CCDC60: variants seen among roughly 807,000 people sequenced by gnomAD.
CCDC60 encodes the protein coiled-coil domain containing 60.
CCDC60 carries 54 observed loss-of-function variants against 63.5 expected under a neutral mutation model. The ratio of observed to expected loss-of-function variants is 0.85; its 90% CI spans 0.68 to 1.07. The LOEUF (loss-of-function observed/expected upper bound fraction) is 1.07, where lower values mean the gene tolerates loss of function less well. Ranked by LOEUF, CCDC60 falls within the 50% of genes least tolerant of loss-of-function variation. The pLI is 0.00. For missense variants in CCDC60, 651 were observed against 684.3 expected, an observed-to-expected ratio of 0.95 and a Z score of 0.54; for synonymous variants, 206 against 238.8, an observed-to-expected ratio of 0.86 and a Z score of 1.27.
In CCDC60 at chr12:119,391,306, T is replaced by C. The variant is rs187207850; in HGVS notation, c.91-37377T>C. Among the ~76,000 whole-genome samples, 413 of 152,356 alleles carry C rather than the reference T, an allele frequency of 2.7e-3. 7 individuals carry two copies. The highest frequency in any genetic ancestry group is 1.5e-3 in the Non-Finnish European group (102 of 68,030). ...CTTTTCTTAAAATGCCATCCACGTCTGGGTGCTTTCAGGACTTATAGAGGA... is the reference window on the plus strand; with the variant it reads ...CTTTTCTTAAAATGCCATCCACGTCCGGGTGCTTTCAGGACTTATAGAGGA... On this transcript the variant is annotated intron_variant, in intron 1 of 13. Coordinates refer to ENST00000327554, the MANE Select transcript of CCDC60 (RefSeq NM_178499.5).
intron 1 of CCDC60, among the ~76,000 whole-genome samples, chr12:119,409,534 T>C (rs1956555433): frequency 6.6e-6 from 1 of 152,118 alleles, no homozygotes; most frequent in African/African-American, 2.4e-5. Flanking sequence ...ATGAATGACA[T>C]CTTTATTGTC....
chr12:119,524,227 G>C (rs78815721), intron 11 of CCDC60, among the ~76,000 whole-genome samples: 1 of 152,054 alleles, frequency 6.6e-6, no homozygotes, highest in Non-Finnish European at 1.5e-5. Context: ...AGTCCAGAAG[G>C]GACATGGAGA....
chr12:119,453,135 G>T (rs1455853729), intron 2 of CCDC60, among the ~76,000 whole-genome samples: 1 of 152,074 alleles, frequency 6.6e-6, no homozygotes, highest in African/African-American at 2.4e-5. Flanking sequence ...CCAGAACTTG[G>T]CTTTTTAACT....
intron 8 of CCDC60, among the ~76,000 whole-genome samples, chr12:119,517,773 C>A (rs1400551021): frequency 1.3e-5 from 2 of 152,110 alleles, no homozygotes; most frequent in Non-Finnish European, 2.9e-5. Context: ...AAGCCAGCAA[C>A]CGATATGATT....
At chr12:119,343,355 T>C (rs1426904736) in intron 1 of CCDC60, among the ~76,000 whole-genome samples, 1 of 152,144 alleles carries the variant, frequency 6.6e-6, no homozygotes, top group African/African-American at 2.4e-5. Flanking sequence ...TGGATTTCAC[T>C]AAGCGGGGAG....
intron 2 of CCDC60, chr12:119,429,709 CAGG>C (rs1956963339): frequency 6.6e-6 from 1 of 152,188 alleles, no homozygotes; most frequent in Admixed American, 6.5e-5. Context: ...TGACTGAGCC[CAGG>C]AGGACTCCTG....
intron 1 of CCDC60, among the ~76,000 whole-genome samples, chr12:119,424,177 C>G (rs1448029982): frequency 6.6e-6 from 1 of 152,046 alleles, no homozygotes; most frequent in African/African-American, 2.4e-5. Context: ...ATTTTAAAAC[C>G]TAATTTGTAT....
chr12:119,516,638 T>C lies in CCDC60; in HGVS notation c.899T>C (p.Leu300Pro). 1 of 1,613,332 alleles carries C rather than the reference T, an allele frequency of 6.2e-7. No individual in the cohort carries two copies. Among genetic ancestry groups the C allele is most frequent in the Admixed American group, 1.7e-5 (1 of 59,994 alleles). ...EPLYMNLQKL[L>P]EMVREDARRT... The stretch of plus-strand genomic sequence containing the variant: ...TTCTCATCAGATCTGCAGAAGCTCC[T>C]GGAGATGGTTCGGGAAGATGCCCGG... Residue 300 changes from leucine to proline, a missense_variant, in exon 8 of 14, where the codon CTG (leucine) becomes CCG (proline). By Grantham distance (98) the Leu-to-Pro change is moderately conservative. Coordinates refer to ENST00000327554, the MANE Select transcript of CCDC60 (RefSeq NM_178499.5).
chr12:119,337,913 G>A (rs1592973107), intron 1 of CCDC60, among the ~76,000 whole-genome samples: 1 of 151,374 alleles, frequency 6.6e-6, no homozygotes, highest in East Asian at 1.9e-4. Context: ...TCAAATAAAT[G>A]TAATAGAGTT....
chr12:119,411,763 T>C (rs1189866086), intron 1 of CCDC60, among the ~76,000 whole-genome samples: 2 of 152,044 alleles, frequency 1.3e-5, no homozygotes, highest in Non-Finnish European at 2.9e-5. Flanking sequence ...CCTGTTCCCA[T>C]CTCTTTCCAT....
At chr12:119,537,654 G>A (rs4586235) in intron 13 of CCDC60, among the ~76,000 whole-genome samples, 7,535 of 152,160 alleles carry the variant, frequency 0.05, 366 homozygotes, top group African/African-American at 0.13. Flanking sequence ...TTAGTTTTCC[G>A]TCTCACAGTC....
At chr12:119,483,830 A>T (rs934001501) in intron 4 of CCDC60, among the ~76,000 whole-genome samples, 3 of 152,212 alleles carry the variant, frequency 2.0e-5, no homozygotes, top group Admixed American at 6.5e-5. Flanking sequence ...ATTTAAAAAA[A>T]TAAATGTTCT....
chr12:119,470,290 G>A (rs1477112248), intron 2 of CCDC60, among the ~76,000 whole-genome samples: 1 of 152,190 alleles, frequency 6.6e-6, no homozygotes, highest in Non-Finnish European at 1.5e-5. Context: ...GTATCTGTTT[G>A]TGGGTGTTCT....
At chr12:119,368,645 G>A (rs575157162) in intron 1 of CCDC60, among the ~76,000 whole-genome samples, 3 of 152,242 alleles carry the variant, frequency 2.0e-5, no homozygotes, top group African/African-American at 7.2e-5. Flanking sequence ...TTGTACCAGT[G>A]GCCTCAACTT....
Position 119,500,065 on chromosome 12 carries a change from G to A in CCDC60, c.558-13G>A. 1 of 1,585,340 alleles carries A rather than the reference G, an allele frequency of 6.3e-7. No homozygotes were observed. Among genetic ancestry groups the A allele is most frequent in the South Asian group, 1.1e-5 (1 of 90,412 alleles). ...CTGGAAACGGAAAACTCATTAAGCT[G>A]TTTCTCACTCAGGGACCCGGGTGGA... On this transcript the variant is annotated splice_polypyrimidine_tract_variant and intron_variant, in intron 5 of 13. Transcript: ENST00000327554.
At position 119,428,725 on chromosome 12, in the gene CCDC60, G is replaced by C. The variant is rs576781017; in HGVS notation, c.133G>C (p.Glu45Gln). ...GAAGAGCATCAAGTATATGGACAAG[G>C]AAATAATAAACCTCAAAAAGGACCT... ...PMKSIKYMDK[E>Q]IINLKKDLIR... Residue 45 changes from glutamate to glutamine, a missense_variant, in exon 2 of 14, where the codon GAA becomes CAA. Coordinates refer to ENST00000327554, the MANE Select transcript of CCDC60 (RefSeq NM_178499.5). 2.4e-5 allele frequency: 39 copies of C among 1,607,922 alleles called. No homozygotes were observed. Among genetic ancestry groups the C allele is most frequent in the Non-Finnish European group, 3.3e-5 (39 of 1,176,492 alleles).
At chr12:119,519,989 G>C (rs1392410080) in intron 8 of CCDC60, 132 bp from the exon 9 acceptor site, 1 of 754,888 alleles carries the variant, frequency 1.3e-6, no homozygotes, top group African/African-American at 1.7e-5. Context: ...AACTCTCCAG[G>C]TGAGTGCTGT....
chr12:119,522,199 T>C (rs1952548355), intron 9 of CCDC60, among the ~76,000 whole-genome samples: 1 of 151,728 alleles, frequency 6.6e-6, no homozygotes, highest in Admixed American at 6.6e-5. Flanking sequence ...GGAAACAGAG[T>C]CAGAGAGAAG....
intron 6 of CCDC60, among the ~76,000 whole-genome samples, chr12:119,502,321 T>C (rs759539724): frequency 6.6e-6 from 1 of 152,198 alleles, no homozygotes; most frequent in African/African-American, 2.4e-5. Context: ...TGTCTCCCCA[T>C]GGGCCACCAG....
Sources: allele counts gnomAD v4.1 joint callset (sites outside exome capture counted in the v4.1 genomes callset), GRCh38; gene constraint gnomAD v4.1.1; transcripts MANE v1.5; gene names NCBI Gene and HGNC (gene_info 2026-07-23, HGNC 2026-07-21).